Variants in BCL2L13 observed in about 807,000 individuals in gnomAD.
The protein encoded by BCL2L13 is BCL2 like 13.
In BCL2L13, 13 loss-of-function variants were observed where a neutral mutation model predicts 25.8. The observed-to-expected ratio is 0.50, with a 90% CI of 0.33 to 0.80. BCL2L13 has a LOEUF of 0.80. Ranked by LOEUF, BCL2L13 falls within the 30% of genes least tolerant of loss-of-function variation. The pLI is 0.02. For synonymous variants in BCL2L13, 244 were observed against 230.3 expected, an observed-to-expected ratio of 1.06 and a Z score of -0.54; for missense variants, 504 against 574.9, an observed-to-expected ratio of 0.88 and a Z score of 1.26.
chr22:17,693,783 C>A (rs1468499322), intron 4 of BCL2L13, among the ~76,000 whole-genome samples: 1 of 151,972 alleles, frequency 6.6e-6, no homozygotes, highest in Non-Finnish European at 1.5e-5. Context: ...GTTGCCCAGA[C>A]TGAAGTGCAG....
intron 3 of BCL2L13, among the ~76,000 whole-genome samples, chr22:17,688,528 A>G (rs1196232660): frequency 6.6e-6 from 1 of 152,182 alleles, no homozygotes; most frequent in Non-Finnish European, 1.5e-5. Flanking sequence ...ATCATAAACT[A>G]AATTGATTAG....
intron 6 of BCL2L13, among the ~76,000 whole-genome samples, chr22:17,722,376 GGGGTGTGTGT>G (rs1282870968): frequency 2.4e-4 from 16 of 67,924 alleles, no homozygotes; most frequent in East Asian, 6.6e-4. Flanking sequence ...TGAGACTACA[GGGGTGTGTGT>G]GTGTGTGTGT....
chr22:17,691,916 T>C (rs2041658933), intron 4 of BCL2L13, among the ~76,000 whole-genome samples: 1 of 152,216 alleles, frequency 6.6e-6, no homozygotes, highest in Non-Finnish European at 1.5e-5. Context: ...TTCCCAAATC[T>C]TGATAGAATT....
intron 4 of BCL2L13, among the ~76,000 whole-genome samples, chr22:17,690,040 A>T (rs2060060024): frequency 6.6e-6 from 1 of 151,354 alleles, no homozygotes; most frequent in Non-Finnish European, 1.5e-5. Context: ...GAACCAAATC[A>T]TTTATTATAA....
chr22:17,689,755 A>G (rs1419381273), intron 4 of BCL2L13, among the ~76,000 whole-genome samples: 1 of 151,666 alleles, frequency 6.6e-6, no homozygotes, highest in African/African-American at 2.4e-5. Context: ...AGGGAGGACA[A>G]TCACTTGAAC....
At chr22:17,673,214 G>A (rs974815914) in intron 2 of BCL2L13, among the ~76,000 whole-genome samples, 1 of 152,056 alleles carries the variant, frequency 6.6e-6, no homozygotes, top group African/African-American at 2.4e-5. Context: ...AGTAATAGTG[G>A]AGGTCTTATT....
intron 1 of BCL2L13, among the ~76,000 whole-genome samples, chr22:17,631,666 G>A (rs10222220): frequency 0.11 from 2,249 of 21,220 alleles, 206 homozygotes; most frequent in African/African-American, 0.28. Context: ...GTATGTGTGT[G>A]TGTGTATATA....
intron 6 of BCL2L13, among the ~76,000 whole-genome samples, chr22:17,709,586 A>T (rs2060687949): frequency 6.6e-6 from 1 of 152,052 alleles, no homozygotes; most frequent in East Asian, 1.9e-4. Context: ...ACAGAGAGAG[A>T]CTCTGTCTCA....
At chr22:17,650,771 A>C (rs1295658512) in intron 1 of BCL2L13, among the ~76,000 whole-genome samples, 1 of 151,436 alleles carries the variant, frequency 6.6e-6, no homozygotes, top group Non-Finnish European at 1.5e-5. Flanking sequence ...GCAGTGGTGC[A>C]GTCCAGGCTC....
At chr22:17,660,570 C>T (rs1308364395) in intron 2 of BCL2L13, among the ~76,000 whole-genome samples, 2 of 144,084 alleles carry the variant, frequency 1.4e-5, no homozygotes. Flanking sequence ...TCGAACAGGC[C>T]CGCGCCACCA....
chr22:17,702,119 TTATA>T lies in BCL2L13; in HGVS notation c.457-121_457-118del, dbSNP rs1350924313. On this transcript the variant is annotated intron_variant, in intron 5 of 6. Coordinates refer to ENST00000317582, the MANE Select transcript of BCL2L13 (RefSeq NM_015367.4). ...AATAGAAGTTACTGTTTTATTTCCTTTATATAATGAAAATAAAAATACCTTAATG... is the reference window on the plus strand; with the variant it reads ...AATAGAAGTTACTGTTTTATTTCCTTTAATGAAAATAAAAATACCTTAATG... 58 of 790,776 alleles carry T rather than the reference TTATA, an allele frequency of 7.3e-5. 2 individuals are homozygous for T. In the East Asian group the frequency reaches 1.7e-3, roughly 23 times the overall value. 49.0% of individuals were successfully genotyped at this position (790,776 alleles called of 1,614,324 possible). A position where few individuals can be genotyped will look rare whatever the true frequency, so the allele number is the denominator to read the frequency against.
chr22:17,653,140 A>T (rs1198254195), intron 1 of BCL2L13, among the ~76,000 whole-genome samples: 1 of 152,162 alleles, frequency 6.6e-6, no homozygotes, highest in Non-Finnish European at 1.5e-5. Flanking sequence ...TTCTGTTTGC[A>T]CTGCCATCAT....
intron 1 of BCL2L13, among the ~76,000 whole-genome samples, chr22:17,646,956 T>TATATATATATATA (rs1491502012): frequency 1.4e-4 from 2 of 14,422 alleles, no homozygotes; most frequent in African/African-American, 2.8e-4. Context: ...TATATATATA[T>TATATATATATATA]TTTTTTTTTT....
At chr22:17,638,666 G>A (rs1006779139), upstream of BCL2L13, 2 of 1,231,602 alleles carry the variant, frequency 1.6e-6, no homozygotes, top group South Asian at 4.1e-5. Flanking sequence ...TCCGTTGGTC[G>A]GTCCTTCCGC....
At chr22:17,681,013 T>C (rs1384136139) in intron 2 of BCL2L13, among the ~76,000 whole-genome samples, 1 of 152,100 alleles carries the variant, frequency 6.6e-6, no homozygotes. Context: ...AAGTCCCATT[T>C]CCTACTCTGT....
At chr22:17,656,464 C>T (rs2058869184) in intron 2 of BCL2L13, among the ~76,000 whole-genome samples, 1 of 143,970 alleles carries the variant, frequency 6.9e-6, no homozygotes, top group Non-Finnish European at 1.5e-5. Flanking sequence ...GATTCTGCCT[C>T]AGCCTCCCGA....
In BCL2L13 at chr22:17,727,400, A is replaced by T. The variant is rs2061327938; in HGVS notation, c.1324A>T (p.Arg442Ter). Reference sequence around the variant, plus strand: ...CGTGCCGCCGTCTGAGGGCAAGTCTAGACTGTCCCCCGCCGGTGAGATGAA... The same window carrying T: ...CGTGCCGCCGTCTGAGGGCAAGTCTTGACTGTCCCCCGCCGGTGAGATGAA... Reference protein sequence around the residue: ...KPVPPSEGKSRLSPAGEMKPM... With the variant: ...KPVPPSEGKS The change falls in exon 7 of 7, where the codon AGA (arginine) becomes TGA (stop). Residue 442 changes from arginine (R) to a stop codon, truncating the protein, a stop_gained. Transcript: ENST00000317582. LOFTEE classifies it low-confidence loss of function (END_TRUNC). 3.7e-6 allele frequency: 6 copies of T among 1,614,192 alleles called. No individual in the cohort carries two copies. The highest frequency in any genetic ancestry group is 5.1e-6 in the Non-Finnish European group (6 of 1,180,024).
At chr22:17,638,989 T>C in intron 1 of BCL2L13, 103 bp downstream of exon 1, 1 of 958,036 alleles carries the variant, frequency 1.0e-6, no homozygotes. Context: ...GACTCCCCAG[T>C]GGTTCCGACG....
rs10684670 is a variant in BCL2L13, at chr22:17,646,716, CTTTTTTTTTTT to C, written c.-51+7841_-51+7851del. Among the ~76,000 whole-genome samples, 3 of 89,196 alleles carry C rather than the reference CTTTTTTTTTTT, an allele frequency of 3.4e-5. No homozygotes were observed. In the South Asian group the frequency reaches 1.3e-3, roughly 40 times the overall value. The allele number at this position is 89,196 out of a possible 152,430, so 58.5% of individuals were successfully genotyped here. On this transcript the variant is annotated intron_variant, in intron 1 of 6. Transcript: ENST00000317582. Reference sequence around the variant, plus strand: ...TTGAAAAGAATCTTGAAATATCTGTCTTTTTTTTTTTTTTTTTTTTTGAGATAGAGTCTAGC... The same window carrying C: ...TTGAAAAGAATCTTGAAATATCTGTCTTTTTTTTTTGAGATAGAGTCTAGC...
Sources: gnomAD v4.1 joint callset for allele counts (sites outside exome capture counted in the v4.1 genomes callset) on GRCh38, gnomAD v4.1.1 for gene constraint, MANE v1.5 for transcripts, NCBI Gene and HGNC (gene_info 2026-07-23, HGNC 2026-07-21) for gene names.